Variants in CNOT7 observed in about 807,000 individuals in gnomAD.
CNOT7 encodes CCR4-NOT transcription complex subunit 7, also known as BTG1-binding factor 1.
In CNOT7, 4 loss-of-function variants were observed where a neutral mutation model predicts 37.1. The observed-to-expected ratio is 0.11, with a 90% CI of 0.05 to 0.25. The LOEUF is 0.25. Ranked by LOEUF, CNOT7 falls within the 10% of genes least tolerant of loss-of-function variation. CNOT7 has a pLI of 1.00. For missense variants in CNOT7, 170 were observed against 336.2 expected (o/e 0.51, Z 3.87); for synonymous variants, 128 against 115.6 (o/e 1.11, Z -0.69).
rs1395139382 is a variant in CNOT7, at chr8:17,226,084, C to T, written c.*4636G>A. 1 of 112,636 alleles carries T rather than the reference C, an allele frequency of 8.9e-6. No homozygotes were observed. Among genetic ancestry groups the T allele is most frequent in the Non-Finnish European group, 1.7e-5 (1 of 59,766 alleles). 7.0% of individuals were successfully genotyped at this position (112,636 alleles called of 1,614,324 possible). A position where few individuals can be genotyped will look rare whatever the true frequency, so the allele number is the denominator to read the frequency against. On this transcript the variant is annotated 3_prime_UTR_variant, in exon 7 of 7. Coordinates refer to ENST00000361272, the MANE Select transcript of CNOT7 (RefSeq NM_013354.7). Reference sequence around the variant, plus strand: ...AAGGGCAGGTAGCAAATATTAGAGGCTTTGCAAGCTAAGACAAAATGAAGG... The same window carrying T: ...AAGGGCAGGTAGCAAATATTAGAGGTTTTGCAAGCTAAGACAAAATGAAGG...
chr8:17,238,247 A>C (rs1809648217), intron 3 of CNOT7, among the ~76,000 whole-genome samples: 1 of 152,240 alleles, frequency 6.6e-6, no homozygotes, highest in African/African-American at 2.4e-5. Flanking sequence ...TTAAATTGTA[A>C]GAATACTGGT....
intron 6 of CNOT7, 139 bp downstream of exon 6, chr8:17,232,288 G>A (rs1808741095): frequency 4.0e-6 from 6 of 1,517,476 alleles, no homozygotes; most frequent in Non-Finnish European, 5.3e-6. Context: ...ACTTTTAAGT[G>A]TGGTGGATGT....
chr8:17,244,015 A>G (rs1373731338), intron 2 of CNOT7, among the ~76,000 whole-genome samples: 1 of 152,216 alleles, frequency 6.6e-6, no homozygotes, highest in Non-Finnish European at 1.5e-5. Flanking sequence ...AAAACTACCT[A>G]TCAAGTCACT....
intron 6 of CNOT7, chr8:17,231,865 G>A (rs1235126534): frequency 2.2e-5 from 22 of 985,754 alleles, no homozygotes; most frequent in South Asian, 1.9e-4. Flanking sequence ...CAACTACTAC[G>A]TTGGATTTAT....
chr8:17,244,167 G>T (rs1238657451), intron 2 of CNOT7, among the ~76,000 whole-genome samples: 1 of 152,186 alleles, frequency 6.6e-6, no homozygotes, highest in Non-Finnish European at 1.5e-5. Flanking sequence ...TAATCCAGTG[G>T]ATGTAGAAAA....
chr8:17,227,962 A>G lies in CNOT7; in HGVS notation c.*2758T>C, dbSNP rs753180360. The G allele has an allele frequency of 1.3e-5, 2 of 151,972 alleles. No individual in the cohort carries two copies. Among genetic ancestry groups the G allele is most frequent in the Non-Finnish European group, 2.9e-5 (2 of 67,852 alleles). The allele number at this position is 151,972 out of a possible 1,614,324, so 9.4% of individuals were successfully genotyped here. On this transcript the variant is annotated 3_prime_UTR_variant, in exon 7 of 7. Transcript: ENST00000361272. The stretch of plus-strand genomic sequence containing the variant: ...GTAGCTTGCCAAGCGGCAATGTGAA[A>G]CAAGACACACATACACAGGTTCTGT...
At chr8:17,237,143 T>C in intron 4 of CNOT7, 69 bp downstream of exon 4, 1 of 1,472,988 alleles carries the variant, frequency 6.8e-7, no homozygotes, top group Non-Finnish European at 9.4e-7. Context: ...GCTAACATAG[T>C]GACCCAAGTA....
chr8:17,230,912 A>G, intron 6 of CNOT7, 64 bp from the exon 7 acceptor site: 4 of 1,221,224 alleles, frequency 3.3e-6, no homozygotes, highest in Non-Finnish European at 3.5e-6. Context: ...CTTGTAATTT[A>G]TATTTCAGCA....
chr8:17,234,972 A>C (rs1380050756), intron 4 of CNOT7, 112 bp from the exon 5 acceptor site: 2 of 824,724 alleles, frequency 2.4e-6, no homozygotes, highest in Admixed American at 2.9e-5. Flanking sequence ...CCCTCCCAAA[A>C]ACATTAAAGA....
At position 17,233,393 on chromosome 8, in the gene CNOT7, TAGG is replaced by T. The variant is rs1480434848; in HGVS notation, c.619-859_619-857del. Among the ~76,000 whole-genome samples the T allele has an allele frequency of 1.3e-5, 2 of 152,296 alleles. 1 individual carries two copies. Among genetic ancestry groups the T allele is most frequent in the East Asian group, 3.9e-4 (2 of 5,176 alleles). ...GGATTAGGTATCGTTAGCAGCTGCT[TAGG>T]AGAACAGAACTAGAACTGAATAGAA... On this transcript the variant is annotated intron_variant, in intron 5 of 6. Transcript: ENST00000361272.
In CNOT7 at chr8:17,231,770, C is replaced by A. The variant is rs1340634156; in HGVS notation, c.729+657G>T. ...GATAATGGGTTCATTTAGTTTCATTCTTCCATCCCTAACACTTTATACTCA... is the reference window on the plus strand; with the variant it reads ...GATAATGGGTTCATTTAGTTTCATTATTCCATCCCTAACACTTTATACTCA... On this transcript the variant is annotated intron_variant, in intron 6 of 6. Coordinates refer to ENST00000361272, the MANE Select transcript of CNOT7 (RefSeq NM_013354.7). The A allele has an allele frequency of 9.1e-6, 9 of 985,432 alleles. No individual in the cohort carries two copies. The South Asian group carries it at 3.8e-4, about 41-fold the overall frequency. The allele number at this position is 985,432 out of a possible 1,614,324, so 61.0% of individuals were successfully genotyped here.
At chr8:17,235,539 C>G (rs140284528) in intron 4 of CNOT7, among the ~76,000 whole-genome samples, 26 of 152,196 alleles carry the variant, frequency 1.7e-4, no homozygotes, top group Non-Finnish European at 2.8e-4. Context: ...TCATAAAATG[C>G]AAACTCCTAC....
chr8:17,236,719 T>C (rs765377016), intron 4 of CNOT7, among the ~76,000 whole-genome samples: 1 of 152,196 alleles, frequency 6.6e-6, no homozygotes, highest in African/African-American at 2.4e-5. Context: ...TTTTAAAAAC[T>C]GTCTGCCCAC....
intron 1 of CNOT7, 40 bp from the exon 2 acceptor site, chr8:17,245,287 A>C: frequency 1.1e-6 from 1 of 871,534 alleles, no homozygotes; most frequent in Admixed American, 3.7e-5. Flanking sequence ...CAGATATATC[A>C]AATCTGAATC....
chr8:17,227,162 C>G lies in CNOT7; in HGVS notation c.*3558G>C, dbSNP rs1024344933. Reference sequence around the variant, plus strand: ...GTAACTACAGGCTTTAAACAACTTACGTTTTCACAAGCCTTAAAATTTGAC... The same window carrying G: ...GTAACTACAGGCTTTAAACAACTTAGGTTTTCACAAGCCTTAAAATTTGAC... On this transcript the variant is annotated 3_prime_UTR_variant, in exon 7 of 7. Transcript: ENST00000361272. 1 of 151,868 alleles carries G rather than the reference C, an allele frequency of 6.6e-6. No homozygotes were observed. The highest frequency in any genetic ancestry group is 1.5e-5 in the Non-Finnish European group (1 of 67,818). The allele number at this position is 151,868 out of a possible 1,614,324, so 9.4% of individuals were successfully genotyped here.
At chr8:17,241,445 T>A in intron 3 of CNOT7, 1 of 152,132 alleles carries the variant, frequency 6.6e-6, no homozygotes, top group South Asian at 2.1e-4. Flanking sequence ...CAAGCCACAC[T>A]ACTATACCAC....
chr8:17,231,352 C>T (rs1808581258), intron 6 of CNOT7, among the ~76,000 whole-genome samples: 1 of 152,026 alleles, frequency 6.6e-6, no homozygotes, highest in South Asian at 2.1e-4. Flanking sequence ...GCCAGAAATC[C>T]ACCTTTAGTT....
intron 3 of CNOT7, chr8:17,242,201 AT>A (rs879503019): frequency 1.3e-5 from 2 of 152,222 alleles, no homozygotes; most frequent in Non-Finnish European, 2.9e-5. Flanking sequence ...CGGGTCAGGA[AT>A]CAATTTTATT....
Position 17,228,570 on chromosome 8 carries a change from A to T in CNOT7, c.*2150T>A, listed in dbSNP as rs767816955. 1 of 151,986 alleles carries T rather than the reference A, an allele frequency of 6.6e-6. No individual in the cohort carries two copies. Among genetic ancestry groups the T allele is most frequent in the Non-Finnish European group, 1.5e-5 (1 of 67,862 alleles). 9.4% of individuals were successfully genotyped at this position (151,986 alleles called of 1,614,324 possible). A position where few individuals can be genotyped will look rare whatever the true frequency, so the allele number is the denominator to read the frequency against. ...CAAAAGCAATACACATTCAGTAGAA[A>T]CTATAACCCCATCTTTGGTCCTAAG... On this transcript the variant is annotated 3_prime_UTR_variant, in exon 7 of 7. Transcript: ENST00000361272.
Sources: allele counts gnomAD v4.1 joint callset (sites outside exome capture counted in the v4.1 genomes callset), GRCh38; gene constraint gnomAD v4.1.1; transcripts MANE v1.5; gene names NCBI Gene and HGNC (gene_info 2026-07-23, HGNC 2026-07-21).